Variants in ADH7 observed in about 807,000 individuals in gnomAD.
ADH7 encodes alcohol dehydrogenase 7 (class IV), mu or sigma polypeptide.
Under a neutral mutation model 34.4 loss-of-function variants are expected in ADH7, and 41 were observed. The observed-to-expected ratio is 1.19, with a 90% confidence interval of 0.93 to 1.55. The LOEUF is 1.55. ADH7 is among the 40% of genes most tolerant of loss of function. The pLI is 0.00. For synonymous variants in ADH7, 180 were observed against 160.9 expected, an observed-to-expected ratio of 1.12 and a Z score of -0.90; for missense variants, 540 against 461.2, an observed-to-expected ratio of 1.17 and a Z score of -1.56.
At chr4:99,415,230 G>C (rs1721488974) in intron 8 of ADH7, 4 of 398,790 alleles carry the variant, frequency 1.0e-5, no homozygotes, top group African/African-American at 6.3e-5. Flanking sequence ...GAAGCCCCCA[G>C]CCATGCTGAA....
At chr4:99,415,138 T>C (rs1223404821) in intron 8 of ADH7, among the ~76,000 whole-genome samples, 1 of 152,204 alleles carries the variant, frequency 6.6e-6, no homozygotes, top group Admixed American at 6.5e-5. Context: ...CTTCCCGCTT[T>C]GCTCGACACT....
chr4:99,433,617 T>G (rs547631631), intron 1 of ADH7, among the ~76,000 whole-genome samples: 1 of 152,246 alleles, frequency 6.6e-6, no homozygotes, highest in Admixed American at 6.5e-5. Flanking sequence ...TAATTTAAAA[T>G]GTGGTAATCA....
chr4:99,428,636 T>C lies in ADH7; in HGVS notation c.121-6A>G, dbSNP rs72681953. The C allele has an allele frequency of 0.015, 24,907 of 1,610,188 alleles. 237 individuals are homozygous for C. Among genetic ancestry groups the C allele is most frequent in the Middle Eastern group, 0.021 (129 of 6,032 alleles). ...CAGATTCCTGTGGCCAAAATCTGTG[T>C]TCAAAGACAAAAACATTGCACCAAT... On this transcript the variant is annotated splice_region_variant and splice_polypyrimidine_tract_variant and intron_variant, in intron 2 of 8. Coordinates refer to ENST00000437033, the MANE Select transcript of ADH7 (RefSeq NM_000673.7).
At chr4:99,425,069 T>A (rs1329195148) in intron 5 of ADH7, among the ~76,000 whole-genome samples, 1 of 151,766 alleles carries the variant, frequency 6.6e-6, no homozygotes, top group Non-Finnish European at 1.5e-5. Context: ...GAACTAAACA[T>A]AGAAAGGAAC....
rs546072507 is a variant in ADH7, at chr4:99,415,406, G to A, written c.1100+72C>T. 12 of 1,423,506 alleles carry A rather than the reference G, an allele frequency of 8.4e-6. No individual in the cohort carries two copies. The Admixed American group carries it at 1.3e-4, about 16-fold the overall frequency. The allele number at this position is 1,423,506 out of a possible 1,614,324, so 88.2% of individuals were successfully genotyped here. On this transcript the variant is annotated intron_variant, in intron 8 of 8. Transcript: ENST00000437033. ...TAGAAATAAAATATGAAGAAAACAG[G>A]CACATTTATAAGTACTAAATTTTAA...
intron 5 of ADH7, among the ~76,000 whole-genome samples, chr4:99,426,635 G>A (rs1256343256): frequency 6.6e-6 from 1 of 152,080 alleles, no homozygotes; most frequent in African/African-American, 2.4e-5. Context: ...AGAGGTACAA[G>A]GAGGAACTGG....
chr4:99,420,853 A>G, intron 5 of ADH7, 60 bp from the exon 6 acceptor site: 1 of 1,529,634 alleles, frequency 6.5e-7, no homozygotes, highest in Non-Finnish European at 8.9e-7. Flanking sequence ...GAAACCTGAA[A>G]AGGGCCTCCA....
intron 5 of ADH7, among the ~76,000 whole-genome samples, chr4:99,427,042 G>A (rs1196465883): frequency 6.6e-6 from 1 of 152,094 alleles, no homozygotes; most frequent in Admixed American, 6.6e-5. Flanking sequence ...AATAAACTAG[G>A]TATTGATGGG....
intron 1 of ADH7, among the ~76,000 whole-genome samples, chr4:99,431,345 A>G (rs1013935108): frequency 2.0e-5 from 3 of 152,214 alleles, no homozygotes; most frequent in African/African-American, 7.2e-5. Flanking sequence ...ACTTAAATCT[A>G]AAACCCAAAA....
intron 7 of ADH7, among the ~76,000 whole-genome samples, chr4:99,417,952 A>G (rs1027061736): frequency 6.6e-6 from 1 of 152,150 alleles, no homozygotes; most frequent in Non-Finnish European, 1.5e-5. Context: ...TTTATGCCCC[A>G]AGTAATGTTG....
chr4:99,423,156 C>A (rs962328644), intron 5 of ADH7, among the ~76,000 whole-genome samples: 3 of 150,746 alleles, frequency 2.0e-5, no homozygotes, highest in African/African-American at 7.3e-5. Context: ...TGATAGTTTG[C>A]TGAGAATGAT....
chr4:99,416,831 C>T (rs945210864), intron 7 of ADH7, among the ~76,000 whole-genome samples: 2 of 152,076 alleles, frequency 1.3e-5, no homozygotes, highest in Middle Eastern at 3.2e-3. Context: ...GTGTAACCTG[C>T]CCCAAACCAC....
chr4:99,427,359 T>C (rs1233007437), intron 5 of ADH7, among the ~76,000 whole-genome samples: 3 of 152,182 alleles, frequency 2.0e-5, no homozygotes, highest in South Asian at 2.1e-4. Flanking sequence ...TTCTGAGAAG[T>C]TGGTAATGTA....
chr4:99,431,933 G>A (rs529766655), intron 1 of ADH7, among the ~76,000 whole-genome samples: 1 of 152,136 alleles, frequency 6.6e-6, no homozygotes, highest in Non-Finnish European at 1.5e-5. Context: ...CATAAAACAG[G>A]ATTAACATTT....
At chr4:99,427,144 G>A (rs1721826673) in intron 5 of ADH7, among the ~76,000 whole-genome samples, 1 of 152,092 alleles carries the variant, frequency 6.6e-6, no homozygotes. Context: ...TAAAATTCCA[G>A]GGATCCTATC....
At chr4:99,414,976 C>T (rs1721483795) in intron 8 of ADH7, among the ~76,000 whole-genome samples, 1 of 152,166 alleles carries the variant, frequency 6.6e-6, no homozygotes, top group Admixed American at 6.6e-5. Flanking sequence ...TGTGTCCCCA[C>T]CCAAATCTCA....
intron 1 of ADH7, among the ~76,000 whole-genome samples, chr4:99,431,645 A>G (rs570464345): frequency 1.3e-5 from 2 of 152,152 alleles, no homozygotes; most frequent in Non-Finnish European, 2.9e-5. Flanking sequence ...ACAACGCCAT[A>G]AAAAACTGGG....
At chr4:99,428,975 A>G (rs1417713181) in intron 2 of ADH7, among the ~76,000 whole-genome samples, 1 of 152,226 alleles carries the variant, frequency 6.6e-6, no homozygotes, top group African/African-American at 2.4e-5. Context: ...AACAAAGAAC[A>G]GAGGAAATGG....
chr4:99,423,531 C>T (rs1382500844), intron 5 of ADH7, among the ~76,000 whole-genome samples: 1 of 151,618 alleles, frequency 6.6e-6, no homozygotes, highest in Non-Finnish European at 1.5e-5. Context: ...ACATCCTCTC[C>T]AGCACTTGTT....
Sources: allele counts gnomAD v4.1 joint callset (sites outside exome capture counted in the v4.1 genomes callset), GRCh38; gene constraint gnomAD v4.1.1; transcripts MANE v1.5; gene names NCBI Gene and HGNC (gene_info 2026-07-23, HGNC 2026-07-21).